Variants in PPM1M observed in about 807,000 individuals in gnomAD.
The protein encoded by PPM1M is protein phosphatase 1M.
Under a neutral mutation model 50.8 loss-of-function variants are expected in PPM1M, and 44 were observed. That is an observed-to-expected ratio of 0.87 (90% CI 0.68 to 1.11). PPM1M has a LOEUF of 1.11. Among genes scored for constraint, PPM1M ranks in the 50% most tolerant of loss-of-function variants. The pLI is 0.00. For synonymous variants in PPM1M, 224 were observed against 242.9 expected (o/e 0.92, Z 0.72); for missense variants, 556 against 593.4 (o/e 0.94, Z 0.66).
At chr3:52,249,525 C>G (rs1699926172) in intron 9 of PPM1M, 145 bp from the exon 10 acceptor site, 1 of 1,336,308 alleles carries the variant, frequency 7.5e-7, no homozygotes, top group Non-Finnish European at 1.0e-6. Flanking sequence ...GCCCGTGGCC[C>G]TCCCAGACTT....
At position 52,249,021 on chromosome 3, in the gene PPM1M, C is replaced by A. The variant is rs895162109; in HGVS notation, c.1044C>A (p.Asp348Glu). Residue 348 changes from aspartate (D) to glutamate (E), a missense_variant, in exon 8 of 10, where the codon GAC becomes GAA. Coordinates refer to ENST00000323588, the MANE Select transcript of PPM1M (RefSeq NM_144641.4). ...GLGDHQLRVL[D>E]TNIQLKPFLL... is the part of the protein sequence containing the mutation. Reference sequence around the variant, plus strand: ...GAGACCATCAGCTCAGAGTCCTGGACACAAACATCCAGCTCAAGCCCTTCT... The same window carrying A: ...GAGACCATCAGCTCAGAGTCCTGGAAACAAACATCCAGCTCAAGCCCTTCT... 2 of 1,611,380 alleles carry A rather than the reference C, an allele frequency of 1.2e-6. No homozygotes were observed. The highest frequency in any genetic ancestry group is 1.7e-6 in the Non-Finnish European group (2 of 1,178,824).
In PPM1M at chr3:52,246,679, C is replaced by T; in HGVS notation, c.225-16C>T. ...GGTGTGTCCCTGGAGGGTCGCTTAC[C>T]ATTTCCCGGCCTCAGGATTATCAAT... On this transcript the variant is annotated splice_polypyrimidine_tract_variant and intron_variant, in intron 1 of 9. Coordinates refer to ENST00000323588, the MANE Select transcript of PPM1M (RefSeq NM_144641.4). 1 of 1,299,060 alleles carries T rather than the reference C, an allele frequency of 7.7e-7. No individual in the cohort carries two copies. The highest frequency in any genetic ancestry group is 1.0e-6 in the Non-Finnish European group (1 of 983,828). 80.5% of individuals were successfully genotyped at this position (1,299,060 alleles called of 1,614,324 possible).
rs1699913376 is a variant in PPM1M, at chr3:52,248,974, C to T, written c.997C>T (p.Leu333=). ...CCCTCAGGCTCGGTTACTAGGAACA[C>T]TGGCTGTCTCCCGGGGCCTGGGAGA... ...QGRQARLLGT[L]AVSRGLGDHQ... Residue 333 remains leucine, a synonymous_variant, in exon 8 of 10, where the codon CTG becomes TTG. Transcript: ENST00000323588. 1.2e-6 allele frequency: 2 copies of T among 1,608,216 alleles called. No homozygotes were observed. Among genetic ancestry groups the T allele is most frequent in the Non-Finnish European group, 1.7e-6 (2 of 1,177,346 alleles).
chr3:52,247,248 C>T lies in PPM1M; in HGVS notation c.597+20C>T. 6.3e-7 allele frequency: 1 copy of T among 1,595,098 alleles called. No individual in the cohort carries two copies. ...GAATGTGTGAGTGTGTGGCTTTTGGCTGGGGAAGAAGTGGAGATTTTGCCC... is the reference window on the plus strand; with the variant it reads ...GAATGTGTGAGTGTGTGGCTTTTGGTTGGGGAAGAAGTGGAGATTTTGCCC... On this transcript the variant is annotated intron_variant, in intron 3 of 9. Transcript: ENST00000323588.
Position 52,247,081 on chromosome 3 carries a change from C to G in PPM1M, c.450C>G (p.Ala150=), listed in dbSNP as rs557005038. The change falls in exon 3 of 10, where the codon GCC becomes GCG. Residue 150 remains alanine, a synonymous_variant. Transcript: ENST00000323588. ...CCTGCTTGCGCCGGCAGCTGGAGGC[C>G]GTGGTGGAAGGCTTGGTGGCCACTC... ...LHSCLRRQLE[A]VVEGLVATQP... 3.2e-6 allele frequency: 5 copies of G among 1,581,988 alleles called. No homozygotes were observed. The highest frequency in any genetic ancestry group is 4.3e-6 in the Non-Finnish European group (5 of 1,164,150).
rs1349874430 is a variant in PPM1M, at chr3:52,245,937, G to A, written c.113G>A (p.Arg38His). 2.4e-6 allele frequency: 3 copies of A among 1,241,314 alleles called. No individual in the cohort carries two copies. Among genetic ancestry groups the A allele is most frequent in the African/African-American group, 1.6e-5 (1 of 61,434 alleles). The allele number at this position is 1,241,314 out of a possible 1,614,324, so 76.9% of individuals were successfully genotyped here. Residue 38 changes from arginine (R) to histidine (H), a missense_variant, in exon 1 of 10, where the codon CGC (arginine) becomes CAC (histidine). By Grantham distance (29) the Arg-to-His change is conservative (BLOSUM62 0). Coordinates refer to ENST00000323588, the MANE Select transcript of PPM1M (RefSeq NM_144641.4). The surrounding 1 kb of genome is among the most constrained non-coding windows in gnomAD (Gnocchi z 4.8). ...PVPYRRPRFLRGSSSSPGAAD... is the reference protein window; with the variant it reads ...PVPYRRPRFLHGSSSSPGAAD... ...CCCTACCGACGGCCCCGCTTCCTTC[G>A]CGGCTCCAGCTCCAGCCCCGGGGCG... is the stretch of plus-strand genomic sequence containing the variant.
intron 1 of PPM1M, 170 bp from the exon 2 acceptor site, chr3:52,246,525 C>T: frequency 4.0e-6 from 2 of 494,814 alleles, no homozygotes; most frequent in Non-Finnish European, 6.6e-6. Context: ...GCCATGAGGC[C>T]AGTGAAGTTA....
chr3:52,248,675 C>T lies in PPM1M; in HGVS notation c.953C>T (p.Pro318Leu). The T allele has an allele frequency of 6.2e-7, 1 of 1,613,914 alleles. No individual in the cohort carries two copies. Among genetic ancestry groups the T allele is most frequent in the Non-Finnish European group, 8.5e-7 (1 of 1,179,854 alleles). ...GTGGAGAAATCGGATCTCAAGTACC[C>T]ACTGATCCATGGACAGGGTAGGCAG... ...KRVEKSDLKY[P>L]LIHGQGRQAR... Residue 318 changes from proline to leucine, a missense_variant, in exon 7 of 10, where the codon CCA becomes CTA. Physicochemically the swap from Pro to Leu is moderately conservative, Grantham distance 98. Transcript: ENST00000323588.
At chr3:52,246,939 C>G (rs1349693310) in intron 2 of PPM1M, 35 bp from the exon 3 acceptor site, 12 of 1,524,846 alleles carry the variant, frequency 7.9e-6, no homozygotes, top group Non-Finnish European at 8.8e-6. Flanking sequence ...GTGGGGAAGT[C>G]AGGCAGAGGC....
rs888740277 is a variant in PPM1M at position 52,246,932 on chromosome 3, G to A, written c.343-42G>A. 73 of 1,524,096 alleles carry A rather than the reference G, an allele frequency of 4.8e-5. No homozygotes were observed. In the Admixed American group the frequency reaches 1.4e-3, roughly 30 times the overall value. The allele number at this position is 1,524,096 out of a possible 1,614,324, so 94.4% of individuals were successfully genotyped here. A position where few individuals can be genotyped will look rare whatever the true frequency, so the allele number is the denominator to read the frequency against. ...GTTAGGTTGCGTCAGGGGACAAGTG[G>A]GGAAGTCAGGCAGAGGCTGACACTG... On this transcript the variant is annotated intron_variant, in intron 2 of 9. Transcript: ENST00000323588.
rs776973204 is a variant in PPM1M at position 52,249,326 on chromosome 3, C to T, written c.1235+4C>T. 13 of 1,590,614 alleles carry T rather than the reference C, an allele frequency of 8.2e-6. No homozygotes were observed. The highest frequency in any genetic ancestry group is 1.1e-5 in the Non-Finnish European group (13 of 1,168,496). On this transcript the variant is annotated splice_donor_region_variant and intron_variant, in intron 9 of 9. Transcript: ENST00000323588. ...GGAACCAAGAGGACCCACACAGGTA[C>T]TGTAGCTGCTGGGGACCTGCCTGGG...
chr3:52,248,217 C>T lies in PPM1M; in HGVS notation c.775C>T (p.Arg259Trp), dbSNP rs376068248. ...LSFEFTPETERQRIQQLAFVY... is the reference protein window; with the variant it reads ...LSFEFTPETEWQRIQQLAFVY... ...CTTCGAGTTCACCCCAGAGACTGAG[C>T]GGCAGCGGATCCAGCAGCTGGTAGG... The change falls in exon 5 of 10, where the codon CGG (arginine) becomes TGG (tryptophan). Residue 259 changes from arginine to tryptophan, a missense_variant. Coordinates refer to ENST00000323588, the MANE Select transcript of PPM1M (RefSeq NM_144641.4). 3.7e-6 allele frequency: 6 copies of T among 1,613,162 alleles called. No homozygotes were observed. The highest frequency in any genetic ancestry group is 4.5e-5 in the East Asian group (2 of 44,860).
At position 52,245,990 on chromosome 3, in the gene PPM1M, C is replaced by T. The variant is rs908274902; in HGVS notation, c.166C>T (p.Arg56Trp). Residue 56 changes from arginine (R) to tryptophan (W), a missense_variant, in exon 1 of 10, where the codon CGG (arginine) becomes TGG (tryptophan). Arg to Trp is a moderately radical substitution (Grantham distance 101). Transcript: ENST00000323588. This position sits in a 1 kb window ranked among gnomAD's most constrained non-coding sequence, Gnocchi z 4.8. ...AADASRRPDS[R>W]PVRSPARGRT... is the part of the protein sequence containing the mutation. ...CGACGCCTCGCGCCGCCCAGACTCC[C>T]GGCCCGTGCGCAGCCCCGCACGAGG... The T allele has an allele frequency of 1.6e-6, 2 of 1,244,900 alleles. No homozygotes were observed. The highest frequency in any genetic ancestry group is 2.1e-6 in the Non-Finnish European group (2 of 968,306). The allele number at this position is 1,244,900 out of a possible 1,614,324, so 77.1% of individuals were successfully genotyped here. A position where few individuals can be genotyped will look rare whatever the true frequency, so the allele number is the denominator to read the frequency against.
At chr3:52,247,375 C>T (rs1463314714) in intron 3 of PPM1M, 147 bp downstream of exon 3, 3 of 1,163,410 alleles carry the variant, frequency 2.6e-6, no homozygotes, top group Non-Finnish European at 3.6e-6. Flanking sequence ...TACTAACAGC[C>T]ATCACTATCA....
chr3:52,248,901 A>C, intron 7 of PPM1M, 55 bp from the exon 8 acceptor site: 1 of 1,393,118 alleles, frequency 7.2e-7, no homozygotes, highest in South Asian at 1.2e-5. Context: ...AGGGCCTGGT[A>C]CTTGTGCATT....
Position 52,249,270 on chromosome 3 carries a change from G to C in PPM1M, c.1183G>C (p.Val395Leu). Residue 395 changes from valine (V) to leucine (L), a missense_variant, in exon 9 of 10, where the codon GTG becomes CTG. Coordinates refer to ENST00000323588, the MANE Select transcript of PPM1M (RefSeq NM_144641.4). Reference protein sequence around the residue: ...GLWDVLSNEQVAWLVRSFLPG... With the variant: ...GLWDVLSNEQLAWLVRSFLPG... The stretch of plus-strand genomic sequence containing the variant: ...CTGGGATGTACTGTCCAACGAGCAG[G>C]TGGCATGGCTGGTGCGGAGCTTCCT... 6.2e-7 allele frequency: 1 copy of C among 1,613,578 alleles called. No homozygotes were observed. The highest frequency in any genetic ancestry group is 8.5e-7 in the Non-Finnish European group (1 of 1,179,706).
At chr3:52,249,537 C>A (rs1182630088) in intron 9 of PPM1M, 133 bp from the exon 10 acceptor site, 2 of 1,395,774 alleles carry the variant, frequency 1.4e-6, no homozygotes, top group South Asian at 1.3e-5. Flanking sequence ...CCCAGACTTG[C>A]TGCTTGCTTG....
chr3:52,246,690 C>G lies in PPM1M; in HGVS notation c.225-5C>G. On this transcript the variant is annotated splice_region_variant and splice_polypyrimidine_tract_variant and intron_variant, in intron 1 of 9. Coordinates refer to ENST00000323588, the MANE Select transcript of PPM1M (RefSeq NM_144641.4). Reference sequence around the variant, plus strand: ...GGAGGGTCGCTTACCATTTCCCGGCCTCAGGATTATCAATGCAGAGAAATC... The same window carrying G: ...GGAGGGTCGCTTACCATTTCCCGGCGTCAGGATTATCAATGCAGAGAAATC... The G allele has an allele frequency of 7.7e-7, 1 of 1,304,868 alleles. No individual in the cohort carries two copies. Among genetic ancestry groups the G allele is most frequent in the Non-Finnish European group, 1.0e-6 (1 of 988,948 alleles). 80.8% of individuals were successfully genotyped at this position (1,304,868 alleles called of 1,614,324 possible). A position where few individuals can be genotyped will look rare whatever the true frequency, so the allele number is the denominator to read the frequency against.
At chr3:52,248,511 T>C (rs1699904058) in intron 6 of PPM1M, 58 bp downstream of exon 6, 27 of 1,589,738 alleles carry the variant, frequency 1.7e-5, no homozygotes, top group Non-Finnish European at 2.2e-5. Context: ...GGCCCAGCCG[T>C]ATGGCCTGGG....
Sources: allele counts gnomAD v4.1 joint callset, GRCh38; gene constraint gnomAD v4.1.1; non-coding constraint Gnocchi (gnomAD v3.1); transcripts MANE v1.5; gene names NCBI Gene and HGNC (gene_info 2026-07-23, HGNC 2026-07-21).